ADGRB3: variants seen among roughly 807,000 people sequenced by gnomAD.
The protein encoded by ADGRB3 is adhesion G protein-coupled receptor B3, also known as brain-specific angiogenesis inhibitor 3.
In ADGRB3, 37 loss-of-function variants were observed where a neutral mutation model predicts 193.4. That is an observed-to-expected ratio of 0.19 (90% confidence interval 0.15 to 0.25). The LOEUF (loss-of-function observed/expected upper bound fraction) is 0.25, where lower values mean the gene tolerates loss of function less well. ADGRB3 is among the 10% of genes least tolerant of loss of function. The pLI is 1.00. For synonymous variants in ADGRB3, 690 were observed against 644.2 expected, an observed-to-expected ratio of 1.07 and a Z score of -1.08; for missense variants, 1,637 against 1,852.9, an observed-to-expected ratio of 0.88 and a Z score of 2.14.
intron 3 of ADGRB3, among the ~76,000 whole-genome samples, chr6:68,674,863 TA>T (rs1258351045): frequency 2.6e-5 from 4 of 152,190 alleles, no homozygotes; most frequent in Non-Finnish European, 4.4e-5. Flanking sequence ...TTCCAAATCG[TA>T]TGTTTTTCTA....
At chr6:68,736,823 T>A (rs1765881928) in intron 3 of ADGRB3, among the ~76,000 whole-genome samples, 1 of 152,108 alleles carries the variant, frequency 6.6e-6, no homozygotes, top group Non-Finnish European at 1.5e-5. Context: ...TTTATCCCAG[T>A]ACCTAGAAGC....
chr6:68,828,058 A>C (rs535164532), intron 3 of ADGRB3, among the ~76,000 whole-genome samples: 9 of 152,348 alleles, frequency 5.9e-5, no homozygotes, highest in Admixed American at 3.9e-4. Context: ...CACAAAACGC[A>C]CATAGTATAC....
At chr6:69,284,747 C>G (rs190876905) in intron 20 of ADGRB3, among the ~76,000 whole-genome samples, 1 of 149,034 alleles carries the variant, frequency 6.7e-6, no homozygotes, top group African/African-American at 2.6e-5. Flanking sequence ...CTCAAAATGT[C>G]TAGTTACTAA....
chr6:68,917,351 C>A (rs1233687978), intron 3 of ADGRB3, among the ~76,000 whole-genome samples: 2 of 152,208 alleles, frequency 1.3e-5, no homozygotes, highest in Non-Finnish European at 2.9e-5. Flanking sequence ...CATCCCAAAT[C>A]ATTAGAAAGT....
At chr6:69,114,615 C>CTTTCTT (rs1015546677) in intron 17 of ADGRB3, among the ~76,000 whole-genome samples, 1 of 151,928 alleles carries the variant, frequency 6.6e-6, no homozygotes, top group African/African-American at 2.4e-5. Context: ...ATTGCCTAGG[C>CTTTCTT]TTTCTTCTAG....
At position 68,669,642 on chromosome 6, in the gene ADGRB3, G is replaced by C. The variant is rs901458944; in HGVS notation, c.757+30210G>C. Among the ~76,000 whole-genome samples, 564 of 149,786 alleles carry C rather than the reference G, an allele frequency of 3.8e-3. 3 individuals are homozygous for C. The highest frequency in any genetic ancestry group is 0.013 in the African/African-American group (536 of 40,230). The stretch of plus-strand genomic sequence containing the variant: ...TGTGTGTGTGTGTGTGTGTGTGTGT[G>C]TGTGTGTGTATACCAAATTTTCTTT... On this transcript the variant is annotated intron_variant, in intron 3 of 31. Transcript: ENST00000370598.
chr6:69,121,777 C>T (rs9354818), intron 17 of ADGRB3, among the ~76,000 whole-genome samples: 93,757 of 147,066 alleles, frequency 0.64, 30,825 homozygotes, highest in East Asian at 0.95. Flanking sequence ...CCTCCCAAGA[C>T]GGGGTGGCGG....
intron 17 of ADGRB3, among the ~76,000 whole-genome samples, chr6:69,152,653 A>G (rs531863965): frequency 7.2e-5 from 11 of 152,320 alleles, no homozygotes; most frequent in African/African-American, 1.9e-4. Context: ...GCCTAAATAC[A>G]TAAGTAGAAC....
chr6:68,909,162 G>A (rs2150236408), intron 3 of ADGRB3, among the ~76,000 whole-genome samples: 1 of 152,260 alleles, frequency 6.6e-6, no homozygotes, highest in South Asian at 2.1e-4. Flanking sequence ...CTTGTTATAT[G>A]TGCTTCCTCA....
rs146799555 is a variant in ADGRB3, at chr6:68,956,073, G to A, written c.1245G>A (p.Thr415=). 5.0e-6 allele frequency: 8 copies of A among 1,613,902 alleles called. No homozygotes were observed. Among genetic ancestry groups the A allele is most frequent in the Middle Eastern group, 1.7e-4 (1 of 6,032 alleles). Reference sequence around the variant, plus strand: ...GTTCGTGGAGCCAGTGCTCAGTAACGTGCTCGAATGGGACTCAGCAGAGAA... The same window carrying A: ...GTTCGTGGAGCCAGTGCTCAGTAACATGCTCGAATGGGACTCAGCAGAGAA... The part of the protein sequence containing the change: ...EWSSWSQCSV[T]CSNGTQQRSR... Residue 415 remains threonine, a synonymous_variant, in exon 7 of 32, where the codon ACG becomes ACA. Transcript: ENST00000370598.
chr6:69,172,655 AAAAAAAAAAAAAAAAAAG>A (rs1437591329), intron 17 of ADGRB3, among the ~76,000 whole-genome samples: 3 of 145,108 alleles, frequency 2.1e-5, no homozygotes, highest in African/African-American at 7.6e-5. Flanking sequence ...AAAAAAAAAA[AAAAAAAAAAAAAAAAAAG>A]AGAAATAAAG....
intron 3 of ADGRB3, among the ~76,000 whole-genome samples, chr6:68,896,309 G>A (rs1766216994): frequency 6.6e-6 from 1 of 152,020 alleles, no homozygotes; most frequent in Non-Finnish European, 1.5e-5. Context: ...AATACCAAAT[G>A]AAAAATCCAA....
intron 3 of ADGRB3, among the ~76,000 whole-genome samples, chr6:68,642,822 A>C (rs1032982012): frequency 2.0e-5 from 3 of 151,986 alleles, no homozygotes; most frequent in Non-Finnish European, 4.4e-5. Flanking sequence ...AAAAAACTCA[A>C]ATAACATTAT....
intron 17 of ADGRB3, among the ~76,000 whole-genome samples, chr6:69,209,583 T>A (rs1265773737): frequency 1.3e-5 from 2 of 152,224 alleles, no homozygotes; most frequent in African/African-American, 2.4e-5. Flanking sequence ...AAAAAGCAAT[T>A]GCAGTCTCTC....
At chr6:68,977,071 A>G (rs1159722248) in intron 10 of ADGRB3, among the ~76,000 whole-genome samples, 2 of 149,076 alleles carry the variant, frequency 1.3e-5, no homozygotes, top group Non-Finnish European at 3.0e-5. Flanking sequence ...TATATATTAT[A>G]TGCAGATATA....
At chr6:69,382,986 A>T in intron 31 of ADGRB3, 51 bp downstream of exon 31, 3 of 1,287,222 alleles carry the variant, frequency 2.3e-6, no homozygotes, top group Non-Finnish European at 3.3e-6. Context: ...CATGTCAGAT[A>T]TTATTCCTGC....
intron 3 of ADGRB3, among the ~76,000 whole-genome samples, chr6:68,692,965 A>G (rs1407021483): frequency 6.6e-6 from 1 of 151,030 alleles, no homozygotes; most frequent in Non-Finnish European, 1.5e-5. Flanking sequence ...TATTATGGTT[A>G]TATTATAATA....
intron 5 of ADGRB3, among the ~76,000 whole-genome samples, chr6:68,938,912 C>T (rs1309289024): frequency 6.6e-6 from 1 of 152,126 alleles, no homozygotes; most frequent in Non-Finnish European, 1.5e-5. Flanking sequence ...ATAGCCAAGA[C>T]CCTTTCAACA....
chr6:68,708,399 C>A (rs953871820), intron 3 of ADGRB3, among the ~76,000 whole-genome samples: 1 of 152,076 alleles, frequency 6.6e-6, no homozygotes, highest in Non-Finnish European at 1.5e-5. Context: ...CCTGTGCCTC[C>A]CACTGTGCCC....
Sources: gnomAD v4.1 joint callset for allele counts (sites outside exome capture counted in the v4.1 genomes callset) on GRCh38, gnomAD v4.1.1 for gene constraint, MANE v1.5 for transcripts, NCBI Gene and HGNC (gene_info 2026-07-23, HGNC 2026-07-21) for gene names.